MAGEB16: variants seen among roughly 807,000 people sequenced by gnomAD.
MAGEB16 encodes melanoma-associated antigen B16.
For missense variants in MAGEB16, 217 were observed against 234.0 expected (o/e 0.93, Z 0.47); for synonymous variants, 95 against 92.1 (o/e 1.03, Z -0.18).
chrX:35,800,929 G>A (rs1053496681), intron 1 of MAGEB16, among the ~76,000 whole-genome samples: 1 of 111,164 alleles, frequency 9.0e-6, no homozygotes, highest in Non-Finnish European at 1.9e-5. Flanking sequence ...CATTGGATTG[G>A]GTGTCCAGGA....
chrX:35,801,793 A>G (rs1934863739), intron 1 of MAGEB16, among the ~76,000 whole-genome samples: 1 of 112,882 alleles, frequency 8.9e-6, no homozygotes, highest in South Asian at 3.6e-4. Flanking sequence ...ACATTACCAC[A>G]GGGGAAGTGG....
exon 2 of MAGEB16, chrX:35,803,155 C>G: frequency 8.5e-7 from 1 of 1,177,050 alleles, no homozygotes; most frequent in Non-Finnish European, 1.1e-6. Flanking sequence ...GAAGAGAGAG[C>G]TAGAGCCAGA....
exon 2 of MAGEB16, chrX:35,803,356 T>A: frequency 2.7e-6 from 1 of 367,796 alleles, no homozygotes; most frequent in Middle Eastern, 7.6e-4. Flanking sequence ...TATATCCCTA[T>A]TTTGTATGTG....
At chrX:35,802,765 A>T in exon 2 of MAGEB16, 1 of 1,211,207 alleles carries the variant, frequency 8.3e-7, no homozygotes, top group Non-Finnish European at 1.1e-6. Flanking sequence ...GGCCTCACCT[A>T]TGATGGGATG....
exon 2 of MAGEB16, chrX:35,802,761 A>T: frequency 8.3e-7 from 1 of 1,211,317 alleles, no homozygotes. Context: ...ACTGGGCCTC[A>T]CCTATGATGG....
chrX:35,802,569 C>T (rs1934873498), exon 2 of MAGEB16: 2 of 1,211,590 alleles, frequency 1.7e-6, no homozygotes, highest in Admixed American at 4.3e-5. Context: ...GAATTTCATG[C>T]TGCACAAGTG....
At chrX:35,800,948 G>C (rs893592682) in intron 1 of MAGEB16, among the ~76,000 whole-genome samples, 1 of 111,244 alleles carries the variant, frequency 9.0e-6, no homozygotes, top group African/African-American at 3.3e-5. Context: ...GAAGTGCAAG[G>C]AGTTAACATA....
intron 1 of MAGEB16, among the ~76,000 whole-genome samples, chrX:35,799,771 G>T (rs1262577667): frequency 9.0e-6 from 1 of 111,721 alleles, no homozygotes; most frequent in East Asian, 2.8e-4. Context: ...ATAAGTCCCA[G>T]ACCATGAAAA....
In MAGEB16 at chrX:35,802,733, C is replaced by A; in HGVS notation, c.537C>A (p.Cys179Ter). Residue 179 changes from cysteine (C) to a stop codon, truncating the protein, a stop_gained, in exon 2 of 2, where the codon TGC becomes TGA. Coordinates refer to ENST00000399988, the Ensembl canonical transcript of MAGEB16. LOFTEE classifies it low-confidence loss of function (END_TRUNC). ...TGGAGGTGGACCCCACCACCCATTG[C>A]TATGGCCTCTTCATCAAACTGGGCC... 1 of 1,211,307 alleles carries A rather than the reference C, an allele frequency of 8.3e-7. No homozygotes were observed. Among genetic ancestry groups the A allele is most frequent in the South Asian group, 1.8e-5 (1 of 56,918 alleles).
exon 2 of MAGEB16, chrX:35,802,149 C>T (rs1167133614): frequency 8.3e-7 from 1 of 1,202,623 alleles, no homozygotes; most frequent in Non-Finnish European, 1.1e-6. Flanking sequence ...TCTTCATTGC[C>T]TGCCCTCCTG....
chrX:35,800,957 T>G lies in MAGEB16; in HGVS notation c.-66-1174T>G, dbSNP rs912351863. On this transcript the variant is annotated intron_variant, in intron 1 of 1. Transcript: ENST00000399988. ...GTCCAGGAAGTGCAAGGAGTTAACATAGAGACACAGAGTAAGGACCAATAG... is the reference window on the plus strand; with the variant it reads ...GTCCAGGAAGTGCAAGGAGTTAACAGAGAGACACAGAGTAAGGACCAATAG... 2.7e-5 allele frequency among the ~76,000 whole-genome samples: 3 copies of G among 111,095 alleles called. No homozygotes were observed. In the East Asian group the frequency reaches 8.6e-4, roughly 32 times the overall value.
chrX:35,800,988 C>A (rs1355595128), intron 1 of MAGEB16, among the ~76,000 whole-genome samples: 2 of 111,130 alleles, frequency 1.8e-5, no homozygotes, highest in Non-Finnish European at 3.8e-5. Context: ...AATAGGAATC[C>A]ACTCCAGGAT....
chrX:35,800,393 T>C (rs750109105), intron 1 of MAGEB16: 18 of 463,606 alleles, frequency 3.9e-5, no homozygotes, highest in African/African-American at 3.2e-4. Context: ...CTCAAGTCAA[T>C]ATAGGGGTAG....
intron 1 of MAGEB16, among the ~76,000 whole-genome samples, 197 bp from the exon 2 acceptor site, chrX:35,801,934 G>T (rs1934864840): frequency 8.9e-6 from 1 of 112,106 alleles, no homozygotes; most frequent in Non-Finnish European, 1.9e-5. Context: ...AAATTCTCAC[G>T]TTGGGTTGGC....
intron 1 of MAGEB16, among the ~76,000 whole-genome samples, chrX:35,799,658 T>C (rs1934845915): frequency 8.9e-6 from 1 of 111,854 alleles, no homozygotes; most frequent in Non-Finnish European, 1.9e-5. Flanking sequence ...AGGGAATGTT[T>C]GGGAGACCCA....
exon 2 of MAGEB16, chrX:35,803,265 T>C (rs2080621870): frequency 2.1e-6 from 2 of 953,733 alleles, no homozygotes; most frequent in Non-Finnish European, 1.4e-6. Context: ...ATAGATGTTT[T>C]ATGTAACATT....
chrX:35,803,389 A>AT (rs60551936), exon 2 of MAGEB16: 4,786 of 333,020 alleles, frequency 0.014, 189 homozygotes, highest in African/African-American at 0.11. Flanking sequence ...TTATTCTTTT[A>AT]TTTTTTAATG....
chrX:35,800,907 G>A (rs762739611), intron 1 of MAGEB16, among the ~76,000 whole-genome samples: 1 of 111,256 alleles, frequency 9.0e-6, no homozygotes, highest in Admixed American at 9.6e-5. Context: ...TGAAGGCAAA[G>A]GTTCAGATAA....
In MAGEB16 at chrX:35,802,549, C is replaced by CT. The variant is rs1934873195; in HGVS notation, c.359dup (p.Leu120PhefsTer28). On this transcript the variant is annotated frameshift_variant, in exon 2 of 2. Coordinates refer to ENST00000399988, the Ensembl canonical transcript of MAGEB16. LOFTEE classifies it low-confidence loss of function (END_TRUNC). ...GCAGATGCTCTCGACCAGAAAGTGG[C>CT]TTTTTTGGTGAATTTCATGCTGCAC... 1 of 1,211,605 alleles carries CT rather than the reference C, an allele frequency of 8.3e-7. No homozygotes were observed. Among genetic ancestry groups the CT allele is most frequent in the Non-Finnish European group, 1.1e-6 (1 of 895,450 alleles).
Sources: allele counts gnomAD v4.1 joint callset (sites outside exome capture counted in the v4.1 genomes callset), GRCh38; gene constraint gnomAD v4.1.1; transcripts MANE v1.5; gene names NCBI Gene and HGNC (gene_info 2026-07-23, HGNC 2026-07-21).